FARP1: variants seen among roughly 807,000 people sequenced by gnomAD.
FARP1 encodes the protein FERM, ARH/RhoGEF and pleckstrin domain protein 1.
Under a neutral mutation model 128.8 loss-of-function variants are expected in FARP1, and 52 were observed. The ratio of observed to expected loss-of-function variants is 0.40; its 90% CI spans 0.32 to 0.51. The LOEUF is 0.51. Among genes scored for constraint, FARP1 ranks in the 20% least tolerant of loss-of-function variants. The pLI, the probability that FARP1 is intolerant of heterozygous loss-of-function variation, is 0.45. For missense variants in FARP1, 1,333 were observed against 1,367.9 expected (o/e 0.97, Z 0.40); for synonymous variants, 580 against 551.8 (o/e 1.05, Z -0.72).
intron 25 of FARP1, 43 bp downstream of exon 25, chr13:98,446,248 G>A (rs747475529): frequency 2.2e-6 from 3 of 1,367,154 alleles, no homozygotes; most frequent in South Asian, 2.4e-5. Context: ...GACCTTGGGG[G>A]TGGCAGCATG....
intron 13 of FARP1, chr13:98,406,686 G>T (rs538501258): frequency 6.6e-6 from 1 of 152,466 alleles, no homozygotes; most frequent in South Asian, 2.1e-4. Flanking sequence ...AGGTACACAG[G>T]TGACCCTGAA....
chr13:98,345,117 A>C lies in FARP1; in HGVS notation c.276+1251A>C, dbSNP rs543822025. On this transcript the variant is annotated intron_variant, in intron 3 of 26. Transcript: ENST00000319562. ...AGCAAGTTATGCGGAATATTGTTTC[A>C]TGCTCTTATTTCATGGTAAAATAAT... Among the ~76,000 whole-genome samples the C allele has an allele frequency of 6.6e-5, 10 of 152,356 alleles. No individual in the cohort carries two copies. The South Asian group carries it at 2.1e-3, about 32-fold the overall frequency.
chr13:98,188,824 G>A (rs141994788), intron 1 of FARP1, among the ~76,000 whole-genome samples: 102 of 152,316 alleles, frequency 6.7e-4, no homozygotes, highest in Non-Finnish European at 1.1e-3. Context: ...AAACGGGGAC[G>A]CATGTCCTGC....
At chr13:98,315,887 TAG>T (rs777665714) in intron 2 of FARP1, among the ~76,000 whole-genome samples, 2 of 152,204 alleles carry the variant, frequency 1.3e-5, no homozygotes, top group Non-Finnish European at 2.9e-5. Context: ...AAATAGCTCC[TAG>T]AACTTCACAT....
At chr13:98,443,943 G>A (rs927876465) in intron 24 of FARP1, among the ~76,000 whole-genome samples, 2 of 152,280 alleles carry the variant, frequency 1.3e-5, no homozygotes, top group Non-Finnish European at 2.9e-5. Context: ...GTTCCCCGTG[G>A]CGTCACTCGG....
intron 2 of FARP1, among the ~76,000 whole-genome samples, chr13:98,224,905 C>T (rs187350147): frequency 6.6e-5 from 10 of 152,318 alleles, no homozygotes; most frequent in Non-Finnish European, 1.0e-4. Context: ...TCTCTGGCCA[C>T]GGGATCCTTT....
chr13:98,356,162 G>T (rs550025761), intron 3 of FARP1, among the ~76,000 whole-genome samples: 3 of 152,124 alleles, frequency 2.0e-5, no homozygotes, highest in African/African-American at 4.8e-5. Context: ...CTAATATTGA[G>T]AAATAAATAT....
intron 6 of FARP1, among the ~76,000 whole-genome samples, chr13:98,379,829 CTAAG>C (rs1889824029): frequency 6.6e-6 from 1 of 151,886 alleles, no homozygotes; most frequent in Non-Finnish European, 1.5e-5. Flanking sequence ...GTATTTTTTC[CTAAG>C]TATTTTCAAT....
intron 9 of FARP1, 109 bp from the exon 10 acceptor site, chr13:98,389,848 A>G (rs1566945085): frequency 9.5e-7 from 1 of 1,048,580 alleles, no homozygotes; most frequent in Non-Finnish European, 1.4e-6. Context: ...ATAATAAAAT[A>G]CACAGCGAAA....
intron 2 of FARP1, 84 bp from the exon 3 acceptor site, chr13:98,343,678 C>A: frequency 1.0e-6 from 1 of 959,900 alleles, no homozygotes; most frequent in Non-Finnish European, 1.7e-6. Context: ...ACTTAGGAAT[C>A]CAGAGGTTTC....
At chr13:98,166,121 C>T (rs1376535193) in intron 1 of FARP1, among the ~76,000 whole-genome samples, 1 of 152,132 alleles carries the variant, frequency 6.6e-6, no homozygotes, top group Non-Finnish European at 1.5e-5. Context: ...AAGATGGTTT[C>T]ATATTAGTAC....
intron 1 of FARP1, among the ~76,000 whole-genome samples, chr13:98,170,078 T>C (rs1040197584): frequency 1.3e-5 from 2 of 152,212 alleles, no homozygotes; most frequent in African/African-American, 4.8e-5. Context: ...TGGGGAGCTA[T>C]TGGCCTTTTT....
intron 1 of FARP1, 92 bp from the exon 2 acceptor site, chr13:98,213,128 C>T: frequency 1.0e-6 from 1 of 999,304 alleles, no homozygotes; most frequent in South Asian, 1.7e-5. Flanking sequence ...GGATGGAGCC[C>T]CCTGCCCACC....
At chr13:98,240,116 A>AC (rs1882677635) in intron 2 of FARP1, among the ~76,000 whole-genome samples, 1 of 152,076 alleles carries the variant, frequency 6.6e-6, no homozygotes, top group Non-Finnish European at 1.5e-5. Context: ...CTACCCTTGC[A>AC]CGGGGTCACC....
intron 2 of FARP1, among the ~76,000 whole-genome samples, chr13:98,316,213 G>A (rs1254873768): frequency 4.6e-5 from 7 of 152,026 alleles, no homozygotes; most frequent in Non-Finnish European, 7.4e-5. Context: ...GCCTTGGCTC[G>A]AACCAGCTGT....
At chr13:98,411,056 C>T (rs1891171824) in intron 15 of FARP1, among the ~76,000 whole-genome samples, 1 of 152,126 alleles carries the variant, frequency 6.6e-6, no homozygotes, top group Non-Finnish European at 1.5e-5. Flanking sequence ...GTTCCTAAGG[C>T]AGAGAAAATT....
chr13:98,281,848 C>G (rs1314325553), intron 2 of FARP1, among the ~76,000 whole-genome samples: 2 of 152,156 alleles, frequency 1.3e-5, no homozygotes, highest in Non-Finnish European at 2.9e-5. Context: ...GAAATTTGGA[C>G]TTCAGCTGTT....
chr13:98,411,946 C>G lies in FARP1; in HGVS notation c.1738C>G (p.Leu580Val). The G allele has an allele frequency of 6.2e-7, 1 of 1,614,110 alleles. No homozygotes were observed. Among genetic ancestry groups the G allele is most frequent in the Non-Finnish European group, 8.5e-7 (1 of 1,179,944 alleles). The part of the protein sequence containing the change: ...VSKEDAMPEA[L>V]KSLIFPNFEP... ...CAAAGAGGACGCCATGCCGGAAGCA[C>G]TGAAAAGTCTCATATTCCCGAATTT... is the stretch of plus-strand genomic sequence containing the variant. Residue 580 changes from leucine (L) to valine (V), a missense_variant, in exon 16 of 27, where the codon CTG (leucine) becomes GTG (valine). This residue lies in a region of FARP1 where 1,009 missense variants were observed against 969.8 expected (regional missense o/e 1.04). Coordinates refer to ENST00000319562, the MANE Select transcript of FARP1 (RefSeq NM_005766.4).
At chr13:98,256,948 G>GGTATATGTATATATAT (rs59128917) in intron 2 of FARP1, among the ~76,000 whole-genome samples, 1 of 77,076 alleles carries the variant, frequency 1.3e-5, no homozygotes, top group Non-Finnish European at 2.7e-5. Context: ...TATATATGTG[G>GGTATATGTATATATAT]ATATATATAT....
Sources: allele counts gnomAD v4.1 joint callset (sites outside exome capture counted in the v4.1 genomes callset), GRCh38; gene constraint gnomAD v4.1.1; regional missense constraint gnomAD v4.1.1; transcripts MANE v1.5; gene names NCBI Gene and HGNC (gene_info 2026-07-23, HGNC 2026-07-21).